ANKS1A: variants seen among roughly 807,000 people sequenced by gnomAD.
ANKS1A encodes ankyrin repeat and sterile alpha motif domain containing 1A.
A neutral mutation model predicts 120.3 loss-of-function variants in ANKS1A; 55 were observed. That is an observed-to-expected ratio of 0.46 (90% CI 0.37 to 0.57). ANKS1A has a LOEUF of 0.57. ANKS1A is among the 20% of genes least tolerant of loss of function. The probability of loss-of-function intolerance (pLI) is 0.00; values close to 1 mark genes in which losing one functional copy is unlikely to be tolerated. For missense variants in ANKS1A, 1,123 were observed against 1,480.3 expected (o/e 0.76, Z 3.96); for synonymous variants, 590 against 604.7 (o/e 0.98, Z 0.36).
intron 1 of ANKS1A, among the ~76,000 whole-genome samples, chr6:34,927,065 G>T (rs1768752514): frequency 6.6e-6 from 1 of 152,194 alleles, no homozygotes; most frequent in African/African-American, 2.4e-5. Flanking sequence ...CCATCAGATA[G>T]TTGTAAGGAT....
rs1777876800 is a variant in ANKS1A, at chr6:35,084,788, A to C, written c.3132+530A>C. Among the ~76,000 whole-genome samples, 1 of 152,108 alleles carries C rather than the reference A, an allele frequency of 6.6e-6. No homozygotes were observed. Among genetic ancestry groups the C allele is most frequent in the South Asian group, 2.1e-4 (1 of 4,822 alleles). On this transcript the variant is annotated intron_variant, in intron 21 of 23. Coordinates refer to ENST00000360359, the MANE Select transcript of ANKS1A (RefSeq NM_015245.3). The surrounding 1 kb of genome is among the most constrained non-coding windows in gnomAD (Gnocchi z 4.8). Reference sequence around the variant, plus strand: ...CCTCTTTGGCAGATTTTCTTCCCTCAAATTCCTGCTGAGGCTCGGCTCTGG... The same window carrying C: ...CCTCTTTGGCAGATTTTCTTCCCTCCAATTCCTGCTGAGGCTCGGCTCTGG...
intron 11 of ANKS1A, among the ~76,000 whole-genome samples, chr6:35,043,314 G>A (rs1467414450): frequency 1.3e-5 from 2 of 152,218 alleles, no homozygotes; most frequent in Non-Finnish European, 2.9e-5. Flanking sequence ...TGGCTAGTTG[G>A]CCCTGGACAG....
chr6:35,091,138 G>C lies in ANKS1A; in HGVS notation c.*2529G>C. ...CAATGGACTGAACTGTAATGAAAAT[G>C]TTATTTAATCTTTGTCTCTGTATTT... On this transcript the variant is annotated 3_prime_UTR_variant, in exon 24 of 24. Transcript: ENST00000360359. 1 of 985,892 alleles carries C rather than the reference G, an allele frequency of 1.0e-6. No homozygotes were observed. Among genetic ancestry groups the C allele is most frequent in the Non-Finnish European group, 1.2e-6 (1 of 829,940 alleles). 61.1% of individuals were successfully genotyped at this position (985,892 alleles called of 1,614,324 possible).
chr6:34,937,785 A>G (rs1452894029), intron 1 of ANKS1A, among the ~76,000 whole-genome samples: 1 of 152,186 alleles, frequency 6.6e-6, no homozygotes, highest in Non-Finnish European at 1.5e-5. Flanking sequence ...AAGGTTTTAG[A>G]GTGGGCAAGT....
At chr6:35,009,987 C>T in intron 10 of ANKS1A, 1 of 246,736 alleles carries the variant, frequency 4.1e-6, no homozygotes, top group Non-Finnish European at 7.9e-6. Context: ...AGAACTTAGC[C>T]TGGGCAACAT....
intron 13 of ANKS1A, among the ~76,000 whole-genome samples, chr6:35,062,967 A>C (rs536303922): frequency 4.6e-5 from 7 of 152,216 alleles, no homozygotes; most frequent in Admixed American, 6.5e-5. Context: ...AGCCCTTCAG[A>C]AAATTGAAGA....
At chr6:34,912,601 G>T (rs1767958957) in intron 1 of ANKS1A, among the ~76,000 whole-genome samples, 1 of 152,160 alleles carries the variant, frequency 6.6e-6, no homozygotes, top group South Asian at 2.1e-4. Flanking sequence ...TGTATAGATT[G>T]AAATAACTGA....
chr6:35,012,404 G>A (rs1773804779), intron 10 of ANKS1A, among the ~76,000 whole-genome samples: 2 of 152,230 alleles, frequency 1.3e-5, no homozygotes, highest in Non-Finnish European at 1.5e-5. Context: ...AAGCAGCCAT[G>A]TACTTGGGAG....
intron 3 of ANKS1A, among the ~76,000 whole-genome samples, chr6:34,973,965 GCCTTCCCCTTCCC>G (rs1771347019): frequency 1.8e-4 from 3 of 16,840 alleles, no homozygotes; most frequent in African/African-American, 1.1e-3. Flanking sequence ...CCTTCCCCTT[GCCTTCCCCTTCCC>G]CTTCCCCTTC....
chr6:34,945,060 G>A (rs1478377382), intron 1 of ANKS1A, among the ~76,000 whole-genome samples: 1 of 152,024 alleles, frequency 6.6e-6, no homozygotes, highest in Non-Finnish European at 1.5e-5. Context: ...TTTACATTAA[G>A]ATCTATGATC....
intron 11 of ANKS1A, among the ~76,000 whole-genome samples, chr6:35,028,351 G>A (rs191522012): frequency 2.6e-5 from 4 of 152,274 alleles, no homozygotes; most frequent in Admixed American, 2.6e-4. Flanking sequence ...CTTCAAGGGT[G>A]GAGATCTCCC....
intron 3 of ANKS1A, among the ~76,000 whole-genome samples, chr6:34,973,544 G>T (rs1462734054): frequency 6.6e-6 from 1 of 152,192 alleles, no homozygotes. Flanking sequence ...ACAGTCTGGA[G>T]TGTGCTCAAG....
rs182915577 is a variant in ANKS1A at position 34,971,123 on chromosome 6, A to G, written c.435+957A>G. On this transcript the variant is annotated intron_variant, in intron 3 of 23. Coordinates refer to ENST00000360359, the MANE Select transcript of ANKS1A (RefSeq NM_015245.3). ...TACATACATCAGAACTTGCAGCAGT[A>G]TAAGTACTCATGCTAGTGCCAAAAA... 4.7e-3 allele frequency among the ~76,000 whole-genome samples: 719 copies of G among 152,378 alleles called. 4 individuals are homozygous for G. Among genetic ancestry groups the G allele is most frequent in the Non-Finnish European group, 8.2e-3 (557 of 68,042 alleles).
intron 1 of ANKS1A, among the ~76,000 whole-genome samples, chr6:34,926,427 C>T (rs1768719683): frequency 6.6e-6 from 1 of 152,158 alleles, no homozygotes; most frequent in Non-Finnish European, 1.5e-5. Context: ...CCTTCAGATT[C>T]TCTTCTTCAT....
At chr6:35,070,860 T>A in intron 13 of ANKS1A, 1 of 616,432 alleles carries the variant, frequency 1.6e-6, no homozygotes, top group South Asian at 1.4e-5. Flanking sequence ...GCCAAAGATT[T>A]ATTTCTTCAT....
At chr6:35,007,813 T>C (rs77632414) in intron 10 of ANKS1A, among the ~76,000 whole-genome samples, 4,172 of 152,314 alleles carry the variant, frequency 0.027, 106 homozygotes, top group Non-Finnish European at 0.039. Context: ...AGCTACGCAT[T>C]TGAGTCTGTG....
intron 13 of ANKS1A, among the ~76,000 whole-genome samples, chr6:35,074,575 A>T (rs1010754538): frequency 4.6e-5 from 7 of 152,164 alleles, no homozygotes; most frequent in African/African-American, 1.7e-4. Flanking sequence ...CTTTTAAAAA[A>T]AAAGTCTGGG....
intron 10 of ANKS1A, among the ~76,000 whole-genome samples, chr6:35,002,063 A>G (rs1773198247): frequency 6.6e-6 from 1 of 152,198 alleles, no homozygotes; most frequent in African/African-American, 2.4e-5. Flanking sequence ...AAAGGACACT[A>G]TTAGCTAATG....
At chr6:34,898,422 A>G (rs947844048) in intron 1 of ANKS1A, among the ~76,000 whole-genome samples, 2 of 152,190 alleles carry the variant, frequency 1.3e-5, no homozygotes, top group African/African-American at 2.4e-5. Context: ...GCACCCTGGA[A>G]ACATTGTATT....
Sources: allele counts gnomAD v4.1 joint callset (sites outside exome capture counted in the v4.1 genomes callset), GRCh38; gene constraint gnomAD v4.1.1; non-coding constraint Gnocchi (gnomAD v3.1); transcripts MANE v1.5; gene names NCBI Gene and HGNC (gene_info 2026-07-23, HGNC 2026-07-21).